The following TMEM132D variants were observed in gnomAD, a reference collection of about 807,000 sequenced individuals.
TMEM132D encodes mature OL transmembrane protein.
Under a neutral mutation model 62.3 loss-of-function variants are expected in TMEM132D, and 21 were observed. That is an observed-to-expected ratio of 0.34 (90% CI 0.24 to 0.49). The LOEUF (loss-of-function observed/expected upper bound fraction) is 0.49, where lower values mean the gene tolerates loss of function less well. TMEM132D is among the 20% of genes least tolerant of loss of function. TMEM132D has a pLI of 0.99. For synonymous variants in TMEM132D, 621 were observed against 575.6 expected (o/e 1.08, Z -1.13); for missense variants, 1,346 against 1,402.8 (o/e 0.96, Z 0.65).
At chr12:129,479,814 A>T (rs1056049253) in intron 3 of TMEM132D, among the ~76,000 whole-genome samples, 9 of 84,428 alleles carry the variant, frequency 1.1e-4, no homozygotes, top group Non-Finnish European at 2.1e-4. Flanking sequence ...TAGAGATTTG[A>T]AGAAAGTTCT....
At chr12:129,561,598 A>G (rs1877234798) in intron 2 of TMEM132D, among the ~76,000 whole-genome samples, 10 of 152,234 alleles carry the variant, frequency 6.6e-5, no homozygotes, top group Admixed American at 6.5e-4. Flanking sequence ...AAAGCTGCAT[A>G]ATATACCCAC....
chr12:129,377,069 C>A (rs1241622629), intron 3 of TMEM132D, among the ~76,000 whole-genome samples: 2 of 152,210 alleles, frequency 1.3e-5, no homozygotes, highest in Non-Finnish European at 2.9e-5. Context: ...CAAACAAACT[C>A]TTTAAACATT....
At chr12:129,406,636 G>C (rs1024511778) in intron 3 of TMEM132D, among the ~76,000 whole-genome samples, 14 of 146,928 alleles carry the variant, frequency 9.5e-5, no homozygotes, top group African/African-American at 3.4e-4. Flanking sequence ...AAAAAAAAAA[G>C]ATATGTACAC....
intron 2 of TMEM132D, among the ~76,000 whole-genome samples, chr12:129,560,944 T>C (rs1877208093): frequency 6.6e-6 from 1 of 152,162 alleles, no homozygotes; most frequent in Non-Finnish European, 1.5e-5. Context: ...AGCTTCACAG[T>C]GATGGAGAAG....
chr12:129,448,559 G>A (rs1009866410), intron 3 of TMEM132D, among the ~76,000 whole-genome samples: 16 of 152,196 alleles, frequency 1.1e-4, no homozygotes, highest in Admixed American at 4.6e-4. Context: ...CTTGATTCTC[G>A]TTCTTTTTCA....
chr12:129,159,624 G>C (rs1445188981), intron 5 of TMEM132D, among the ~76,000 whole-genome samples: 2 of 152,044 alleles, frequency 1.3e-5, no homozygotes, highest in African/African-American at 4.8e-5. Context: ...AGCCAGGCAT[G>C]GTAGTGCATG....
At chr12:129,587,453 C>T (rs556647494) in intron 2 of TMEM132D, among the ~76,000 whole-genome samples, 24 of 152,182 alleles carry the variant, frequency 1.6e-4, no homozygotes, top group Non-Finnish European at 3.2e-4. Flanking sequence ...AGGCTCATTT[C>T]CTGGGTGATG....
At chr12:129,790,823 T>C (rs151130482) in intron 1 of TMEM132D, among the ~76,000 whole-genome samples, 7 of 152,330 alleles carry the variant, frequency 4.6e-5, no homozygotes, top group Middle Eastern at 3.4e-3. Flanking sequence ...TCCCTGCAAA[T>C]AAACATCTTG....
intron 2 of TMEM132D, among the ~76,000 whole-genome samples, chr12:129,643,139 G>A (rs750741142): frequency 6.6e-6 from 1 of 151,964 alleles, no homozygotes; most frequent in Non-Finnish European, 1.5e-5. Flanking sequence ...TGACCAGGCT[G>A]GTCTTGAACT....
intron 2 of TMEM132D, among the ~76,000 whole-genome samples, chr12:129,539,584 T>TTC (rs1016948526): frequency 6.6e-6 from 1 of 150,752 alleles, no homozygotes; most frequent in Non-Finnish European, 1.5e-5. Context: ...ATTTTTTTTT[T>TTC]TTCTTTTAGC....
At chr12:129,402,139 C>A (rs1310432161) in intron 3 of TMEM132D, among the ~76,000 whole-genome samples, 1 of 152,140 alleles carries the variant, frequency 6.6e-6, no homozygotes, top group East Asian at 1.9e-4. Flanking sequence ...CCTATGCATA[C>A]CTCGATAATC....
chr12:129,860,981 T>A (rs1436011163), intron 1 of TMEM132D, among the ~76,000 whole-genome samples: 1 of 152,292 alleles, frequency 6.6e-6, no homozygotes, highest in South Asian at 2.1e-4. Context: ...CAATTCAAGA[T>A]GAGATTTGGG....
At chr12:129,093,006 C>G (rs992853740) in intron 5 of TMEM132D, among the ~76,000 whole-genome samples, 1 of 152,200 alleles carries the variant, frequency 6.6e-6, no homozygotes, top group African/African-American at 2.4e-5. Context: ...ACAACACACC[C>G]TTTTCTGTCA....
intron 4 of TMEM132D, among the ~76,000 whole-genome samples, chr12:129,296,068 GCACACA>G (rs4026576): frequency 6.7e-6 from 1 of 149,908 alleles, no homozygotes; most frequent in Non-Finnish European, 1.5e-5. Flanking sequence ...ATATGAACAT[GCACACA>G]CACACACACA....
Position 129,700,603 on chromosome 12 carries a change from A to G in TMEM132D, c.175T>C (p.Ser59Pro), listed in dbSNP as rs2137227794. ...VTYHINNADV[S>P]FFLKEANQDI... ...TGGTTGGCCTCCTTCAGGAAGAAGG[A>G]GACGTCCGCGTTGTTGATGTGGTAG... is the stretch of plus-strand genomic sequence containing the variant. Residue 59 changes from serine to proline, a missense_variant, in exon 2 of 9, where the codon TCC (serine) becomes CCC (proline). Physicochemically the swap from Ser to Pro is moderately conservative, Grantham distance 74. Coordinates refer to ENST00000422113, the MANE Select transcript of TMEM132D (RefSeq NM_133448.3). The G allele has an allele frequency of 6.2e-7, 1 of 1,614,002 alleles. No individual in the cohort carries two copies.
At chr12:129,723,942 C>T (rs1190593642) in intron 1 of TMEM132D, among the ~76,000 whole-genome samples, 4 of 152,204 alleles carry the variant, frequency 2.6e-5, no homozygotes, top group East Asian at 1.9e-4. Context: ...ATTCCAGAAC[C>T]GGTGACTATG....
intron 1 of TMEM132D, among the ~76,000 whole-genome samples, chr12:129,792,311 A>T (rs755384259): frequency 6.6e-6 from 1 of 152,138 alleles, no homozygotes; most frequent in Non-Finnish European, 1.5e-5. Context: ...CATTGATATC[A>T]TCCTGAATAG....
chr12:129,899,234 T>C (rs1193761073), intron 1 of TMEM132D, among the ~76,000 whole-genome samples: 1 of 137,176 alleles, frequency 7.3e-6, no homozygotes, highest in African/African-American at 3.0e-5. Context: ...GATGGAAGGA[T>C]GGATGGATGG....
chr12:129,331,670 T>C (rs887083568), intron 4 of TMEM132D, among the ~76,000 whole-genome samples: 1 of 152,242 alleles, frequency 6.6e-6, no homozygotes, highest in Admixed American at 6.5e-5. Context: ...GAGTTTGTTT[T>C]ATTTTAAAAT....
Sources: allele counts gnomAD v4.1 joint callset (sites outside exome capture counted in the v4.1 genomes callset), GRCh38; gene constraint gnomAD v4.1.1; transcripts MANE v1.5; gene names NCBI Gene and HGNC (gene_info 2026-07-23, HGNC 2026-07-21).